The following RPS6KC1 variants were observed in gnomAD, a reference collection of about 807,000 sequenced individuals.
The protein encoded by RPS6KC1 is ribosomal protein S6 kinase C1.
In RPS6KC1, 54 loss-of-function variants were observed where a neutral mutation model predicts 103.8. The ratio of observed to expected loss-of-function variants is 0.52; its 90% CI spans 0.42 to 0.65. The LOEUF (loss-of-function observed/expected upper bound fraction) is 0.65. Ranked by LOEUF, RPS6KC1 falls within the 30% of genes least tolerant of loss-of-function variation. RPS6KC1 has a pLI of 0.00. For missense variants in RPS6KC1, 1,151 were observed against 1,253.8 expected, an observed-to-expected ratio of 0.92 and a Z score of 1.24; for synonymous variants, 439 against 438.7, an observed-to-expected ratio of 1.00 and a Z score of -0.01.
At chr1:213,486,954 C>G in the RPS6KC1 span, among the ~76,000 whole-genome samples, 1 of 152,208 alleles carries the variant, frequency 6.6e-6, no homozygotes, top group Admixed American at 6.5e-5. Flanking sequence ...AATAGAACAT[C>G]TAGCTGAGTG....
At chr1:213,312,113 T>A in the RPS6KC1 span, among the ~76,000 whole-genome samples, 1 of 151,970 alleles carries the variant, frequency 6.6e-6, no homozygotes, top group African/African-American at 2.4e-5. Context: ...GGCAGGATGG[T>A]GTTGAACTCC....
the RPS6KC1 span, among the ~76,000 whole-genome samples, chr1:213,734,312 G>T: frequency 2.0e-5 from 3 of 152,220 alleles, no homozygotes; most frequent in African/African-American, 7.2e-5. Context: ...AGCTTTCGAT[G>T]ATATCATTTT....
chr1:213,110,541 G>C (rs1481531469), intron 4 of RPS6KC1, among the ~76,000 whole-genome samples: 1 of 152,338 alleles, frequency 6.6e-6, no homozygotes, highest in African/African-American at 2.4e-5. Flanking sequence ...ACCTGTGTCA[G>C]CATAGCTTTG....
the RPS6KC1 span, among the ~76,000 whole-genome samples, chr1:213,434,003 G>A: frequency 6.7e-6 from 1 of 148,614 alleles, no homozygotes; most frequent in Non-Finnish European, 1.5e-5. Flanking sequence ...TTTGTTGTAT[G>A]TCTAAGACAT....
At chr1:213,581,248 G>A in the RPS6KC1 span, among the ~76,000 whole-genome samples, 321 of 152,004 alleles carry the variant, frequency 2.1e-3, 1 homozygote, top group African/African-American at 7.1e-3. Flanking sequence ...CAGCCTCGCC[G>A]GATCCACTTC....
chr1:213,482,695 T>G, the RPS6KC1 span, among the ~76,000 whole-genome samples: 2 of 151,634 alleles, frequency 1.3e-5, no homozygotes, highest in Non-Finnish European at 2.9e-5. Context: ...ACTACAGGCA[T>G]GCACCACCAC....
At chr1:213,708,267 T>C in the RPS6KC1 span, among the ~76,000 whole-genome samples, 2 of 152,204 alleles carry the variant, frequency 1.3e-5, no homozygotes, top group Admixed American at 6.5e-5. Context: ...CCCTTGTAAG[T>C]TGTATTCCTA....
chr1:213,231,776 T>C (rs945074978), intron 9 of RPS6KC1, among the ~76,000 whole-genome samples: 9 of 152,234 alleles, frequency 5.9e-5, no homozygotes, highest in Middle Eastern at 3.2e-3. Flanking sequence ...CAATGTCTAC[T>C]GCTTTAAAGA....
At chr1:213,295,332 T>A in the RPS6KC1 span, among the ~76,000 whole-genome samples, 1 of 152,218 alleles carries the variant, frequency 6.6e-6, no homozygotes, top group Non-Finnish European at 1.5e-5. Context: ...GATATTATCA[T>A]ACAAAGATCA....
chr1:213,569,036 TC>T, the RPS6KC1 span, among the ~76,000 whole-genome samples: 3 of 151,974 alleles, frequency 2.0e-5, no homozygotes, highest in South Asian at 2.1e-4. Context: ...CTAACTCCCT[TC>T]CCCCCTCCCC....
intron 2 of RPS6KC1, among the ~76,000 whole-genome samples, chr1:213,076,481 T>C (rs1310253789): frequency 6.6e-6 from 1 of 152,154 alleles, no homozygotes; most frequent in African/African-American, 2.4e-5. Flanking sequence ...AGAACTGAGA[T>C]GATTAAGTTT....
chr1:213,178,560 CA>C (rs916101243), intron 8 of RPS6KC1, among the ~76,000 whole-genome samples: 48 of 148,072 alleles, frequency 3.2e-4, no homozygotes, highest in Admixed American at 1.2e-3. Flanking sequence ...AACAAACAAA[CA>C]AAAAAAAACA....
intron 8 of RPS6KC1, among the ~76,000 whole-genome samples, chr1:213,195,124 G>A (rs762960553): frequency 1.3e-5 from 2 of 151,986 alleles, no homozygotes; most frequent in African/African-American, 2.4e-5. Flanking sequence ...TTTTGTTTTT[G>A]TCCCTTTTGG....
At chr1:213,475,362 A>G in the RPS6KC1 span, among the ~76,000 whole-genome samples, 4,025 of 152,240 alleles carry the variant, frequency 0.026, 169 homozygotes, top group African/African-American at 0.085. Context: ...CATATTTACT[A>G]AGAGGGGCTT....
At chr1:213,541,831 G>C in the RPS6KC1 span, among the ~76,000 whole-genome samples, 1 of 152,182 alleles carries the variant, frequency 6.6e-6, no homozygotes, top group Non-Finnish European at 1.5e-5. Context: ...GAGGGCCTGG[G>C]CAAAACTTTA....
At chr1:213,432,634 A>T in the RPS6KC1 span, among the ~76,000 whole-genome samples, 4 of 151,632 alleles carry the variant, frequency 2.6e-5, no homozygotes, top group East Asian at 7.8e-4. Context: ...CCACCTCCCA[A>T]CCTTTCATAG....
At chr1:213,654,605 T>C in the RPS6KC1 span, among the ~76,000 whole-genome samples, 161 of 152,314 alleles carry the variant, frequency 1.1e-3, 1 homozygote, top group African/African-American at 3.8e-3. Context: ...TTTGATGTGA[T>C]TCCTTTATCC....
the RPS6KC1 span, among the ~76,000 whole-genome samples, chr1:213,511,542 G>A: frequency 3.3e-5 from 5 of 152,138 alleles, no homozygotes; most frequent in Non-Finnish European, 5.9e-5. Flanking sequence ...CCTCTGCTCC[G>A]AATCCCCCAG....
chr1:213,794,234 T>A, the RPS6KC1 span: 5 of 152,196 alleles, frequency 3.3e-5, no homozygotes, highest in Admixed American at 6.5e-5. Context: ...TATATTTTTT[T>A]AAAAATTGCC....
Sources: allele counts gnomAD v4.1 joint callset (sites outside exome capture counted in the v4.1 genomes callset), GRCh38; gene constraint gnomAD v4.1.1; transcripts MANE v1.5; gene names NCBI Gene and HGNC (gene_info 2026-07-23, HGNC 2026-07-21).